MYOCD: variants seen among roughly 807,000 people sequenced by gnomAD.
The protein encoded by MYOCD is myocardin.
Under a neutral mutation model 96.1 loss-of-function variants are expected in MYOCD, and 32 were observed. That is an observed-to-expected ratio of 0.33 (90% CI 0.25 to 0.45). MYOCD has a LOEUF of 0.45. Ranked by LOEUF, MYOCD falls within the 20% of genes least tolerant of loss-of-function variation. The probability of loss-of-function intolerance (pLI) is 1.00; values close to 1 mark genes in which losing one functional copy is unlikely to be tolerated. For synonymous variants in MYOCD, 469 were observed against 469.0 expected (o/e 1.00, Z 0.00); for missense variants, 1,133 against 1,200.6 (o/e 0.94, Z 0.83).
At chr17:12,697,228 TCTTAGAA>T (rs1328265245) in intron 1 of MYOCD, among the ~76,000 whole-genome samples, 1 of 151,366 alleles carries the variant, frequency 6.6e-6, no homozygotes, top group African/African-American at 2.4e-5. Context: ...CACTTGCAGA[TCTTAGAA>T]CTTAGTTTTT....
Position 12,666,215 on chromosome 17 carries a change from C to T in MYOCD, c.27C>T (p.Ser9=). 1 of 1,613,854 alleles carries T rather than the reference C, an allele frequency of 6.2e-7. No homozygotes were observed. Among genetic ancestry groups the T allele is most frequent in the Non-Finnish European group, 8.5e-7 (1 of 1,179,772 alleles). Residue 9 remains serine, a synonymous_variant, in exon 1 of 14, where the codon TCC becomes TCT. Transcript: ENST00000425538. The part of the protein sequence containing the change: MTLLGSEH[S]LLIRSKFRSV... ...TGACACTCCTGGGGTCTGAGCATTCCTTGCTGATTAGGAGCAAGTTCAGAT... is the reference window on the plus strand; with the variant it reads ...TGACACTCCTGGGGTCTGAGCATTCTTTGCTGATTAGGAGCAAGTTCAGAT...
In MYOCD at chr17:12,766,839, G is replaced by GAGAT. The variant is rs1276039989; in HGVS notation, c.*3196_*3197insGATA. ...TCTGGTAGATTCATACTTATCTAAA[G>GAGAT]AAGTCAAAAAATTTATTCGTGCAAG... On this transcript the variant is annotated 3_prime_UTR_variant, in exon 14 of 14. Coordinates refer to ENST00000425538, the MANE Select transcript of MYOCD (RefSeq NM_001146312.3). The GAGAT allele has an allele frequency of 1.3e-5, 2 of 152,076 alleles. No homozygotes were observed. The highest frequency in any genetic ancestry group is 2.9e-5 in the Non-Finnish European group (2 of 68,022). The allele number at this position is 152,076 out of a possible 1,614,324, so 9.4% of individuals were successfully genotyped here. A position where few individuals can be genotyped will look rare whatever the true frequency, so the allele number is the denominator to read the frequency against.
chr17:12,705,222 T>C, intron 2 of MYOCD, 29 bp downstream of exon 2: 2 of 1,541,474 alleles, frequency 1.3e-6, no homozygotes, highest in Non-Finnish European at 1.8e-6. Context: ...TAATTACTGA[T>C]ATACATAGGG....
At chr17:12,708,538 A>G (rs2031376873) in intron 2 of MYOCD, among the ~76,000 whole-genome samples, 1 of 151,984 alleles carries the variant, frequency 6.6e-6, no homozygotes, top group Non-Finnish European at 1.5e-5. Flanking sequence ...GACTACAGGC[A>G]CGTGCCACCA....
intron 11 of MYOCD, among the ~76,000 whole-genome samples, chr17:12,757,565 C>T (rs2033048735): frequency 6.6e-6 from 1 of 152,104 alleles, no homozygotes; most frequent in African/African-American, 2.4e-5. Flanking sequence ...GGCGCGATCT[C>T]GGCTCACTGC....
chr17:12,716,137 C>G (rs1317187486), intron 3 of MYOCD, among the ~76,000 whole-genome samples: 1 of 152,114 alleles, frequency 6.6e-6, no homozygotes, highest in Non-Finnish European at 1.5e-5. Flanking sequence ...TACTATTTAG[C>G]AAGTATCAAC....
chr17:12,696,168 C>T (rs568621108), intron 1 of MYOCD, among the ~76,000 whole-genome samples: 6 of 151,806 alleles, frequency 4.0e-5, no homozygotes, highest in South Asian at 2.1e-4. Flanking sequence ...TTAGTAGAGA[C>T]GGGGTTTCAC....
At chr17:12,716,827 A>ATTAAAAT (rs2031654302) in intron 3 of MYOCD, among the ~76,000 whole-genome samples, 2 of 151,938 alleles carry the variant, frequency 1.3e-5, no homozygotes, top group African/African-American at 4.8e-5. Context: ...AAAATTAAAA[A>ATTAAAAT]TTAAAGAAAA....
chr17:12,699,173 G>A (rs1312527491), intron 1 of MYOCD, among the ~76,000 whole-genome samples: 4 of 152,082 alleles, frequency 2.6e-5, no homozygotes, highest in Non-Finnish European at 5.9e-5. Flanking sequence ...TGCCCAGGCT[G>A]GAGTGCAGTG....
At chr17:12,718,420 G>A (rs190202980) in intron 4 of MYOCD, among the ~76,000 whole-genome samples, 1 of 152,292 alleles carries the variant, frequency 6.6e-6, no homozygotes, top group Admixed American at 6.5e-5. Context: ...GGAACAGCCT[G>A]CACAAGGCCT....
At chr17:12,742,951 A>G (rs1458305224) in intron 7 of MYOCD, among the ~76,000 whole-genome samples, 1 of 152,150 alleles carries the variant, frequency 6.6e-6, no homozygotes, top group Non-Finnish European at 1.5e-5. Flanking sequence ...TTTCAGGAGC[A>G]GGTTATAGAC....
At chr17:12,727,377 A>G (rs2032029456) in intron 5 of MYOCD, among the ~76,000 whole-genome samples, 1 of 152,222 alleles carries the variant, frequency 6.6e-6, no homozygotes, top group East Asian at 1.9e-4. Flanking sequence ...AGAGTTGCTT[A>G]GAGACAGCTA....
Position 12,763,339 on chromosome 17 carries a change from A to T in MYOCD, c.2656A>T (p.Ile886Leu). 1.2e-6 allele frequency: 2 copies of T among 1,603,774 alleles called. No individual in the cohort carries two copies. Among genetic ancestry groups the T allele is most frequent in the Non-Finnish European group, 1.7e-6 (2 of 1,174,960 alleles). Residue 886 changes from isoleucine (I) to leucine (L), a missense_variant, in exon 14 of 14, where the codon ATA (isoleucine) becomes TTA (leucine). Physicochemically the swap from Ile to Leu is conservative, Grantham distance 5 (BLOSUM62 2). Coordinates refer to ENST00000425538, the MANE Select transcript of MYOCD (RefSeq NM_001146312.3). ...GAGCGAAGAGCCTCACTTTGATGGG[A>T]TAATGGATGGATTCTCTGGGAAGGC... is the stretch of plus-strand genomic sequence containing the variant. The part of the protein sequence containing the change: ...IGSEEPHFDG[I>L]MDGFSGKAAE...
At chr17:12,719,448 C>T (rs1008429161) in intron 4 of MYOCD, among the ~76,000 whole-genome samples, 1 of 151,802 alleles carries the variant, frequency 6.6e-6, no homozygotes, top group African/African-American at 2.4e-5. Context: ...TGATGCTTAT[C>T]GTGGAATTAC....
intron 1 of MYOCD, among the ~76,000 whole-genome samples, chr17:12,669,999 T>C (rs1909604726): frequency 6.6e-6 from 1 of 151,856 alleles, no homozygotes; most frequent in Non-Finnish European, 1.5e-5. Flanking sequence ...GGGGTGGGGG[T>C]ACCATGAGAA....
At chr17:12,717,287 G>A (rs2031675676) in intron 3 of MYOCD, 59 bp from the exon 4 acceptor site, 1 of 1,230,258 alleles carries the variant, frequency 8.1e-7, no homozygotes, top group Non-Finnish European at 1.2e-6. Context: ...TCTCCTGTGA[G>A]ATAAATTGAG....
intron 13 of MYOCD, chr17:12,761,488 C>A (rs1745217457): frequency 6.6e-6 from 1 of 152,078 alleles, no homozygotes; most frequent in South Asian, 2.1e-4. Context: ...CAGACCTTTC[C>A]TCCATTGTAG....
At position 12,765,997 on chromosome 17, in the gene MYOCD, A is replaced by G. The variant is rs1325503355; in HGVS notation, c.*2353A>G. The G allele has an allele frequency of 6.6e-6, 1 of 152,222 alleles. No homozygotes were observed. The highest frequency in any genetic ancestry group is 1.5e-5 in the Non-Finnish European group (1 of 68,046). The allele number at this position is 152,222 out of a possible 1,614,324, so 9.4% of individuals were successfully genotyped here. ...GAACCAAAAAAATCCAGAAGAAAAA[A>G]TTGCCAGTGTTTCCTTTGAAGATGA... On this transcript the variant is annotated 3_prime_UTR_variant, in exon 14 of 14. Transcript: ENST00000425538.
chr17:12,694,881 C>CAAAAAAAAAAAAAAAAAAAAAAAAAAAA (rs201215491), intron 1 of MYOCD, among the ~76,000 whole-genome samples: 2 of 69,650 alleles, frequency 2.9e-5, no homozygotes, highest in Non-Finnish European at 5.8e-5. Flanking sequence ...AAGGAATAAC[C>CAAAAAAAAAAAAAAAAAAAAAAAAAAAA]AAAAAAAAAA....
Sources: allele counts gnomAD v4.1 joint callset (sites outside exome capture counted in the v4.1 genomes callset), GRCh38; gene constraint gnomAD v4.1.1; transcripts MANE v1.5; gene names NCBI Gene and HGNC (gene_info 2026-07-23, HGNC 2026-07-21).